YLPM1: variants seen among roughly 807,000 people sequenced by gnomAD.
YLPM1 encodes YLP motif containing 1.
In YLPM1, 99 loss-of-function variants were observed where a neutral mutation model predicts 230.0. That is an observed-to-expected ratio of 0.43 (90% CI 0.37 to 0.51). The LOEUF is 0.51. Among genes scored for constraint, YLPM1 ranks in the 20% least tolerant of loss-of-function variants. YLPM1 has a pLI of 0.00. For missense variants in YLPM1, 2,592 were observed against 2,707.7 expected, an observed-to-expected ratio of 0.96 and a Z score of 0.95; for synonymous variants, 984 against 942.5, an observed-to-expected ratio of 1.04 and a Z score of -0.81.
rs2091295898 is a variant in YLPM1, at chr14:74,799,035, CA to C, written c.3739del (p.Arg1247GlyfsTer125). On this transcript the variant is annotated frameshift_variant, in exon 5 of 21. Coordinates refer to ENST00000325680, the MANE Select transcript of YLPM1 (RefSeq NM_019589.3). LOFTEE classifies it high-confidence loss of function. ...DTLELYNRED[R>X]FSAPPSRSHD... ...CACTAGAGCTCTATAACAGAGAGGA[CA>C]GGTTCTCAGCACCACCATCTCGGTC... The C allele has an allele frequency of 6.2e-7, 1 of 1,613,810 alleles. No individual in the cohort carries two copies. The highest frequency in any genetic ancestry group is 1.3e-5 in the African/African-American group (1 of 74,898).
intron 6 of YLPM1, among the ~76,000 whole-genome samples, chr14:74,806,921 A>C (rs2091384895): frequency 6.6e-6 from 1 of 152,094 alleles, no homozygotes; most frequent in African/African-American, 2.4e-5. Flanking sequence ...AGAATGAAGA[A>C]AGCAGTTTTT....
Position 74,780,574 on chromosome 14 carries a change from C to T in YLPM1, c.1280C>T (p.Pro427Leu), listed in dbSNP as rs765222020. The change falls in exon 3 of 21, where the codon CCA becomes CTA. Residue 427 changes from proline to leucine, a missense_variant. Physicochemically the swap from Pro to Leu is moderately conservative, Grantham distance 98 (BLOSUM62 -3). This residue lies in a region of YLPM1 where 1,862 missense variants were observed against 1,819.8 expected (regional missense o/e 1.02). Transcript: ENST00000325680. ...QQYQQIIQPP[P>L]HIQTMSVDMQ... ...TATCAGCAGATTATACAGCCCCCAC[C>T]ACATATACAGGCAAGTGCTTCCATA... 6.2e-7 allele frequency: 1 copy of T among 1,610,340 alleles called. No individual in the cohort carries two copies. The highest frequency in any genetic ancestry group is 1.7e-4 in the Middle Eastern group (1 of 6,054).
rs958083401 is a variant in YLPM1, at chr14:74,827,434, G to A, written c.6164-1779G>A. ...CAAGAAGGAAACTTTAAACATATTT[G>A]CACAATAAAATTTCAAATTAAACAT... On this transcript the variant is annotated intron_variant, in intron 18 of 20. Coordinates refer to ENST00000325680, the MANE Select transcript of YLPM1 (RefSeq NM_019589.3). The A allele has an allele frequency of 1.3e-5, 13 of 985,222 alleles. No homozygotes were observed. The African/African-American group carries it at 2.1e-4, about 16-fold the overall frequency. The allele number at this position is 985,222 out of a possible 1,614,324, so 61.0% of individuals were successfully genotyped here. A position where few individuals can be genotyped will look rare whatever the true frequency, so the allele number is the denominator to read the frequency against.
At chr14:74,782,599 T>C (rs949039396) in intron 4 of YLPM1, among the ~76,000 whole-genome samples, 4 of 152,244 alleles carry the variant, frequency 2.6e-5, no homozygotes, top group Non-Finnish European at 4.4e-5. Context: ...TATTGACTTA[T>C]TAGCTTTAAA....
rs1327320860 is a variant in YLPM1 at position 74,773,289 on chromosome 14, AG to A, written c.874-5157del. Among the ~76,000 whole-genome samples, 63 of 152,114 alleles carry A rather than the reference AG, an allele frequency of 4.1e-4. 1 individual carries two copies. Among genetic ancestry groups the A allele is most frequent in the African/African-American group, 1.4e-3 (60 of 41,494 alleles). On this transcript the variant is annotated intron_variant, in intron 1 of 20. Coordinates refer to ENST00000325680, the MANE Select transcript of YLPM1 (RefSeq NM_019589.3). ...GGCGACAGAGCGAGACTCCATCTCA[AG>A]AAAAAAAAAAGAGAAATTGACCTAC...
chr14:74,810,473 G>C, intron 9 of YLPM1, 53 bp downstream of exon 9: 1 of 1,538,180 alleles, frequency 6.5e-7, no homozygotes, highest in Non-Finnish European at 8.8e-7. Flanking sequence ...ATACTTAACA[G>C]TAAAAGTTTA....
At chr14:74,797,148 A>ATTTTTTTT (rs71303895) in intron 4 of YLPM1, among the ~76,000 whole-genome samples, 10 of 100,780 alleles carry the variant, frequency 9.9e-5, no homozygotes, top group African/African-American at 1.7e-4. Context: ...AAATTTTTGT[A>ATTTTTTTT]TTTTTTTTTT....
At chr14:74,809,833 A>G (rs752099732) in intron 7 of YLPM1, 36 bp downstream of exon 7, 4 of 1,610,542 alleles carry the variant, frequency 2.5e-6, no homozygotes, top group East Asian at 2.2e-5. Flanking sequence ...TTGGGATTCT[A>G]CAGGAATTGT....
intron 4 of YLPM1, among the ~76,000 whole-genome samples, chr14:74,785,816 G>C (rs542100626): frequency 6.6e-6 from 1 of 152,238 alleles, no homozygotes; most frequent in Admixed American, 6.5e-5. Flanking sequence ...TTTCTAAAAA[G>C]TCATGTGACA....
intron 1 of YLPM1, among the ~76,000 whole-genome samples, chr14:74,772,595 G>A (rs527671829): frequency 6.6e-6 from 1 of 152,228 alleles, no homozygotes; most frequent in African/African-American, 2.4e-5. Context: ...CTCACCTTGT[G>A]ATCCGCCCGC....
rs771625330 is a variant in YLPM1 at position 74,836,027 on chromosome 14, C to CAG, written c.*294_*295dup. The CAG allele has an allele frequency of 2.6e-6, 1 of 390,028 alleles. No homozygotes were observed. The highest frequency in any genetic ancestry group is 2.1e-5 in the African/African-American group (1 of 47,282). 24.2% of individuals were successfully genotyped at this position (390,028 alleles called of 1,614,324 possible). A position where few individuals can be genotyped will look rare whatever the true frequency, so the allele number is the denominator to read the frequency against. Reference sequence around the variant, plus strand: ...GCGGGGGTCTGCTGGAGGATTCCAACAGAGAGTATTTCCTCCACTGTACAA... The same window carrying CAG: ...GCGGGGGTCTGCTGGAGGATTCCAACAGAGAGAGTATTTCCTCCACTGTACAA... On this transcript the variant is annotated 3_prime_UTR_variant, in exon 21 of 21. Coordinates refer to ENST00000325680, the MANE Select transcript of YLPM1 (RefSeq NM_019589.3).
intron 6 of YLPM1, among the ~76,000 whole-genome samples, chr14:74,803,084 C>G (rs541503722): frequency 6.6e-6 from 1 of 151,630 alleles, no homozygotes; most frequent in Non-Finnish European, 1.5e-5. Flanking sequence ...AATGGTGAGA[C>G]CCCTATCTCT....
chr14:74,783,236 T>A (rs970414571), intron 4 of YLPM1, among the ~76,000 whole-genome samples: 4 of 152,026 alleles, frequency 2.6e-5, no homozygotes, highest in Non-Finnish European at 4.4e-5. Flanking sequence ...GGCCAGTTTT[T>A]AAAAAATACT....
intron 16 of YLPM1, among the ~76,000 whole-genome samples, chr14:74,819,540 G>T (rs946010530): frequency 6.6e-6 from 1 of 152,130 alleles, no homozygotes; most frequent in Non-Finnish European, 1.5e-5. Context: ...CTCCGAAAGT[G>T]CTGGGATTAC....
intron 1 of YLPM1, among the ~76,000 whole-genome samples, chr14:74,772,585 C>T (rs1244613679): frequency 6.6e-6 from 1 of 152,102 alleles, no homozygotes; most frequent in Non-Finnish European, 1.5e-5. Flanking sequence ...TCTCGAACTC[C>T]TCACCTTGTG....
At chr14:74,804,138 C>T (rs185459847) in intron 6 of YLPM1, among the ~76,000 whole-genome samples, 53 of 152,272 alleles carry the variant, frequency 3.5e-4, no homozygotes, top group African/African-American at 1.2e-3. Flanking sequence ...GCCTGGGCAA[C>T]GGGCGAAACT....
chr14:74,767,691 T>C (rs1001222203), intron 1 of YLPM1, among the ~76,000 whole-genome samples: 7 of 152,358 alleles, frequency 4.6e-5, no homozygotes, highest in African/African-American at 1.4e-4. Context: ...CCTCCTATTT[T>C]CTTTTTCTAC....
intron 19 of YLPM1, among the ~76,000 whole-genome samples, chr14:74,833,290 C>T (rs1028182094): frequency 6.6e-6 from 1 of 151,932 alleles, no homozygotes; most frequent in Non-Finnish European, 1.5e-5. Flanking sequence ...TCTCTGTCAC[C>T]CAGGCTGGAG....
intron 4 of YLPM1, among the ~76,000 whole-genome samples, chr14:74,783,280 G>A (rs1031167686): frequency 6.6e-6 from 1 of 152,030 alleles, no homozygotes; most frequent in South Asian, 2.1e-4. Context: ...TGTTGACCAG[G>A]CTGGTCTCAA....
Sources: gnomAD v4.1 joint callset for allele counts (sites outside exome capture counted in the v4.1 genomes callset) on GRCh38, gnomAD v4.1.1 for gene constraint, gnomAD v4.1.1 regional missense constraint, MANE v1.5 for transcripts, NCBI Gene and HGNC (gene_info 2026-07-23, HGNC 2026-07-21) for gene names.